Variants in LAS1L observed in about 807,000 individuals in gnomAD.
LAS1L encodes the protein ribosomal biogenesis protein LAS1L.
LAS1L carries 5 observed loss-of-function variants against 57.3 expected under a neutral mutation model. The ratio of observed to expected loss-of-function variants is 0.09; its 90% CI spans 0.05 to 0.18. The LOEUF (loss-of-function observed/expected upper bound fraction) is 0.18, where lower values mean the gene tolerates loss of function less well. Ranked by LOEUF, LAS1L falls within the 10% of genes least tolerant of loss-of-function variation. The pLI, the probability that LAS1L is intolerant of heterozygous loss-of-function variation, is 1.00. For missense variants in LAS1L, 360 were observed against 568.3 expected (o/e 0.63, Z 3.73); for synonymous variants, 245 against 231.7 (o/e 1.06, Z -0.52).
At chrX:65,533,580 A>C (rs774777908) in intron 2 of LAS1L, 30 bp downstream of exon 2, 19 of 1,203,200 alleles carry the variant, frequency 1.6e-5, no homozygotes, top group Non-Finnish European at 2.0e-5. Context: ...CCCAAAGCCA[A>C]CCTCCACCCC....
chrX:65,525,731 AC>A (rs1477393391), intron 7 of LAS1L, among the ~76,000 whole-genome samples: 1 of 93,853 alleles, frequency 1.1e-5, no homozygotes, highest in Non-Finnish European at 2.0e-5. Context: ...CAAGGTCTTC[AC>A]CAAGGTCTGA....
At chrX:65,520,638 G>A (rs1270109542) in intron 11 of LAS1L, 1 of 752,538 alleles carries the variant, frequency 1.3e-6, no homozygotes, top group African/African-American at 2.3e-5. Flanking sequence ...TGTGTAACGG[G>A]GTGATTAGGA....
At chrX:65,514,534 GCACACACACACACACA>G (rs56718186) in intron 13 of LAS1L, among the ~76,000 whole-genome samples, 1 of 88,835 alleles carries the variant, frequency 1.1e-5, no homozygotes, top group East Asian at 3.7e-4. Flanking sequence ...GTGTGTGCCT[GCACACACACACACACA>G]CACACACACA....
chrX:65,533,737 T>TA lies in LAS1L; in HGVS notation c.237-3dup, dbSNP rs766212201. 8.3e-7 allele frequency: 1 copy of TA among 1,210,753 alleles called. No individual in the cohort carries two copies. The highest frequency in any genetic ancestry group is 3.0e-5 in the East Asian group (1 of 33,837). On this transcript the variant is annotated splice_polypyrimidine_tract_variant and splice_region_variant and intron_variant, in intron 1 of 13. Coordinates refer to ENST00000374811, the MANE Select transcript of LAS1L (RefSeq NM_031206.7). ...GCCAGAGGGAGTTCGTTGCCTGACCTAAAGGGTCACAGTCCAGCACCATCA... is the reference window on the plus strand; with the variant it reads ...GCCAGAGGGAGTTCGTTGCCTGACCTAAAAGGGTCACAGTCCAGCACCATCA...
chrX:65,517,893 T>G, intron 12 of LAS1L, 94 bp downstream of exon 12: 1 of 1,104,693 alleles, frequency 9.1e-7, no homozygotes, highest in African/African-American at 1.8e-5. Flanking sequence ...ATTGGCTACC[T>G]CCTGCTACTT....
At chrX:65,531,648 T>C (rs931503447) in intron 3 of LAS1L, among the ~76,000 whole-genome samples, 2 of 111,797 alleles carry the variant, frequency 1.8e-5, no homozygotes, top group Non-Finnish European at 3.8e-5. Flanking sequence ...GGAGGAGGTA[T>C]TGAAAATCAG....
chrX:65,533,884 C>T, intron 1 of LAS1L, 149 bp from the exon 2 acceptor site: 1 of 593,478 alleles, frequency 1.7e-6, no homozygotes, highest in Non-Finnish European at 2.6e-6. Flanking sequence ...GGAGGAGACA[C>T]GGTAATGTCT....
At chrX:65,522,958 T>A (rs1337930380) in intron 11 of LAS1L, 1 of 111,213 alleles carries the variant, frequency 9.0e-6, no homozygotes, top group Non-Finnish European at 1.9e-5. Context: ...TGGCTCAGGG[T>A]CAGGAAATGA....
At chrX:65,529,052 G>C (rs191753379) in intron 6 of LAS1L, among the ~76,000 whole-genome samples, 160 bp downstream of exon 6, 222 of 111,976 alleles carry the variant, frequency 2.0e-3, no homozygotes, top group Non-Finnish European at 3.2e-3. Flanking sequence ...TGCTCCTCTT[G>C]TCTCCTTCCT....
intron 4 of LAS1L, among the ~76,000 whole-genome samples, chrX:65,530,564 T>C (rs947038133): frequency 1.8e-5 from 2 of 109,586 alleles, no homozygotes; most frequent in African/African-American, 6.7e-5. Context: ...ATCCTAGCAC[T>C]TTGGGAGGCT....
At position 65,518,248 on chromosome X, in the gene LAS1L, C is replaced by T. The variant is rs756714504; in HGVS notation, c.1666G>A (p.Glu556Lys). ...ACATCATTAACACTGCCCTGCTCCT[C>T]CTGTTGCTGGGCCTTTGCTTCAGAC... The part of the protein sequence containing the change: ...FGSEAKAQQQ[E>K]EQGSVNDVKE... Residue 556 changes from glutamate (E) to lysine (K), a missense_variant, in exon 12 of 14, where the codon GAG becomes AAG. Physicochemically the swap from Glu to Lys is moderately conservative, Grantham distance 56. Transcript: ENST00000374811. 3 of 1,212,282 alleles carry T rather than the reference C, an allele frequency of 2.5e-6. No homozygotes were observed. The highest frequency in any genetic ancestry group is 2.2e-6 in the Non-Finnish European group (2 of 895,605).
chrX:65,513,586 A>G (rs1301708126), intron 13 of LAS1L, among the ~76,000 whole-genome samples: 1 of 112,222 alleles, frequency 8.9e-6, no homozygotes, highest in Non-Finnish European at 1.9e-5. Context: ...ACAATCTTAC[A>G]GACAAGTTAA....
intron 2 of LAS1L, 133 bp from the exon 3 acceptor site, chrX:65,532,763 A>T (rs2069564115): frequency 2.0e-6 from 1 of 491,570 alleles, no homozygotes; most frequent in East Asian, 3.7e-5. Context: ...CTGGTGTGTC[A>T]GCCAGAGCAG....
intron 12 of LAS1L, among the ~76,000 whole-genome samples, chrX:65,516,820 G>A (rs1228795070): frequency 9.0e-6 from 1 of 110,905 alleles, no homozygotes; most frequent in Non-Finnish European, 1.9e-5. Context: ...CACACACAGA[G>A]AGACAGACTT....
At chrX:65,530,289 G>A (rs1251009217) in intron 4 of LAS1L, among the ~76,000 whole-genome samples, 1 of 112,114 alleles carries the variant, frequency 8.9e-6, no homozygotes, top group African/African-American at 3.2e-5. Context: ...GAACCCTTGG[G>A]TTCATGACAC....
At chrX:65,525,748 CAAAAA>C (rs772564998) in intron 7 of LAS1L, among the ~76,000 whole-genome samples, 4 of 38,256 alleles carry the variant, frequency 1.0e-4, no homozygotes, top group African/African-American at 4.6e-4. Context: ...TCTGATTTTT[CAAAAA>C]AAAAAAAAAA....
At chrX:65,524,670 G>C in intron 8 of LAS1L, 56 bp from the exon 9 acceptor site, 1 of 515,474 alleles carries the variant, frequency 1.9e-6, no homozygotes, top group Admixed American at 2.8e-5. Context: ...CAATTCTGCT[G>C]TTCTAGCTCT....
Position 65,518,029 on chromosome X carries a change from T to C in LAS1L, c.1885A>G (p.Lys629Glu), listed in dbSNP as rs2068715161. ...GCAGAGCCCTGCAAAGCTCCTCTTT[T>C]CTGGGCCAGAAGCCTAGCATTCTCG... The part of the protein sequence containing the change: ...TAENARLLAQ[K>E]RGALQGSAWQ... The change falls in exon 12 of 14, where the codon AAA becomes GAA. Residue 629 changes from lysine (K) to glutamate (E), a missense_variant. Around this residue, in one of 7 missense-constraint regions of LAS1L, gnomAD observed 123 missense variants for 168.3 expected, o/e 0.73. Transcript: ENST00000374811. The C allele has an allele frequency of 8.3e-7, 1 of 1,209,191 alleles. No individual in the cohort carries two copies. The highest frequency in any genetic ancestry group is 1.8e-5 in the South Asian group (1 of 56,528).
intron 11 of LAS1L, 88 bp from the exon 12 acceptor site, chrX:65,518,553 G>C (rs1236824349): frequency 9.2e-7 from 1 of 1,089,605 alleles, no homozygotes; most frequent in African/African-American, 1.9e-5. Flanking sequence ...CTTGGTCTCT[G>C]AACTTCCAGA....
Sources: allele counts gnomAD v4.1 joint callset (sites outside exome capture counted in the v4.1 genomes callset), GRCh38; gene constraint gnomAD v4.1.1; regional missense constraint gnomAD v4.1.1; transcripts MANE v1.5; gene names NCBI Gene and HGNC (gene_info 2026-07-23, HGNC 2026-07-21).